L3MBTL1: variants seen among roughly 807,000 people sequenced by gnomAD.
L3MBTL1 encodes the protein lethal(3)malignant brain tumor-like protein 1.
A neutral mutation model predicts 105.3 loss-of-function variants in L3MBTL1; 75 were observed. The observed-to-expected ratio is 0.71, with a 90% CI of 0.59 to 0.86. L3MBTL1 has a LOEUF of 0.86. Among genes scored for constraint, L3MBTL1 ranks in the 40% least tolerant of loss-of-function variants. The pLI, the probability that L3MBTL1 is intolerant of heterozygous loss-of-function variation, is 0.00. For missense variants in L3MBTL1, 1,069 were observed against 1,126.4 expected (o/e 0.95, Z 0.73); for synonymous variants, 452 against 436.2 (o/e 1.04, Z -0.45).
Position 43,515,327 on chromosome 20 carries a change from G to C in L3MBTL1, c.689G>C (p.Ser230Thr), listed in dbSNP as rs1466220664. The C allele has an allele frequency of 1.9e-6, 3 of 1,589,420 alleles. No individual in the cohort carries two copies. The highest frequency in any genetic ancestry group is 1.7e-4 in the Middle Eastern group (1 of 6,016). Residue 230 changes from serine to threonine, a missense_variant, in exon 6 of 22, where the codon AGC (serine) becomes ACC (threonine). Transcript: ENST00000418998. The stretch of plus-strand genomic sequence containing the variant: ...GTGGAGAACTCCTCAGGCTCTACCA[G>C]CGCTTCTGAGCTCCTCAAACCCATG... ...VIVENSSGST[S>T]ASELLKPMKK...
chr20:43,529,934 G>A (rs765568610), intron 9 of L3MBTL1, among the ~76,000 whole-genome samples: 4 of 152,212 alleles, frequency 2.6e-5, no homozygotes, highest in Admixed American at 2.0e-4. Context: ...AGCAGAGTGC[G>A]AGTGGGGAGC....
intron 10 of L3MBTL1, 38 bp from the exon 11 acceptor site, chr20:43,530,760 C>A: frequency 6.3e-7 from 1 of 1,595,944 alleles, no homozygotes; most frequent in Admixed American, 1.7e-5. Context: ...GGCCCAGCCT[C>A]TGCACGGCGC....
Position 43,548,250 on chromosome 20 carries a change from C to A in L3MBTL1, c.*5C>A, listed in dbSNP as rs1057141481. On this transcript the variant is annotated 3_prime_UTR_variant, in exon 19 of 19. Coordinates refer to the L3MBTL1 transcript ENST00000422861. ...GCTGATGACACCTTAAAGTGACTGG[C>A]CCAGGGCTGGGCCCTCCTGCAGCCC... 6.1e-6 allele frequency: 8 copies of A among 1,303,052 alleles called. No homozygotes were observed. In the African/African-American group the frequency reaches 1.2e-4, roughly 20 times the overall value. 80.7% of individuals were successfully genotyped at this position (1,303,052 alleles called of 1,614,324 possible).
chr20:43,538,532 G>T (rs1179318041), intron 19 of L3MBTL1, among the ~76,000 whole-genome samples: 1 of 152,194 alleles, frequency 6.6e-6, no homozygotes, highest in East Asian at 1.9e-4. Context: ...ACATACTGGT[G>T]GGTAGACCTC....
At chr20:43,516,228 T>G in intron 7 of L3MBTL1, 51 bp downstream of exon 7, 1 of 1,369,396 alleles carries the variant, frequency 7.3e-7, no homozygotes, top group Non-Finnish European at 1.0e-6. Flanking sequence ...TATATACCTT[T>G]GGAGGTGTGA....
Position 43,532,852 on chromosome 20 carries a change from C to G in L3MBTL1, c.1364C>G (p.Ala455Gly). The change falls in exon 12 of 22, where the codon GCC becomes GGC. Residue 455 changes from alanine to glycine, a missense_variant. By Grantham distance (60) the Ala-to-Gly change is moderately conservative (BLOSUM62 0). Coordinates refer to ENST00000418998, the MANE Select transcript of L3MBTL1 (RefSeq NM_001377303.1). ...ATGAACCCGTCCCTTGTCTGCGTGG[C>G]CAGTGTGACCGATGTGGTGGACAGC... ...DRMNPSLVCVASVTDVVDSRF... is the reference protein window; with the variant it reads ...DRMNPSLVCVGSVTDVVDSRF... The G allele has an allele frequency of 6.2e-7, 1 of 1,614,182 alleles. No homozygotes were observed. Among genetic ancestry groups the G allele is most frequent in the Non-Finnish European group, 8.5e-7 (1 of 1,180,036 alleles).
In L3MBTL1 at chr20:43,533,913, C is replaced by A. The variant is rs2019468854; in HGVS notation, c.1514-95C>A. ...GGTGGGAGAGATTCTACTCCAAGGG[C>A]TTCTGTCCCTTCCATGTTCCTGGTC... On this transcript the variant is annotated intron_variant, in intron 13 of 21. Transcript: ENST00000418998. The A allele has an allele frequency of 4.6e-6, 4 of 860,552 alleles. No homozygotes were observed. The Admixed American group carries it at 7.2e-5, about 15-fold the overall frequency. The allele number at this position is 860,552 out of a possible 1,614,324, so 53.3% of individuals were successfully genotyped here. A position where few individuals can be genotyped will look rare whatever the true frequency, so the allele number is the denominator to read the frequency against.
chr20:43,533,349 C>G lies in L3MBTL1; in HGVS notation c.1444C>G (p.Pro482Ala). 1 of 1,613,750 alleles carries G rather than the reference C, an allele frequency of 6.2e-7. No homozygotes were observed. The highest frequency in any genetic ancestry group is 8.5e-7 in the Non-Finnish European group (1 of 1,179,854). Residue 482 changes from proline to alanine, a missense_variant, in exon 13 of 22, where the codon CCC becomes GCC. Pro to Ala is a conservative substitution (Grantham distance 27, BLOSUM62 -1). Transcript: ENST00000418998. ...CATGTTCTTGGATTTCAGGTGTGAT[C>G]CCAGCAGCCCCTACATCCACCCAGT... ...WDDTYDYWCD[P>A]SSPYIHPVGW... is the part of the protein sequence containing the mutation.
intron 11 of L3MBTL1, chr20:43,532,243 G>A (rs2071970): frequency 0.37 from 56,341 of 152,232 alleles, 11,030 homozygotes; most frequent in African/African-American, 0.5. Flanking sequence ...TGGCCCCGCC[G>A]TTGACTAGCA....
chr20:43,519,412 A>G (rs1370672694), intron 7 of L3MBTL1, among the ~76,000 whole-genome samples: 1 of 151,726 alleles, frequency 6.6e-6, no homozygotes, highest in African/African-American at 2.4e-5. Context: ...CGAAGCGGGC[A>G]GATCACCTGA....
At chr20:43,535,803 C>A in intron 16 of L3MBTL1, 34 bp from the exon 17 acceptor site, 1 of 1,422,188 alleles carries the variant, frequency 7.0e-7, no homozygotes, top group Non-Finnish European at 9.6e-7. Context: ...ACCCCCAGGA[C>A]TCCATGAGGA....
chr20:43,529,491 G>A, intron 9 of L3MBTL1, 123 bp downstream of exon 9: 1 of 711,440 alleles, frequency 1.4e-6, no homozygotes, highest in Middle Eastern at 2.6e-4. Context: ...AGTAGTGGAT[G>A]AAGCTGGAAT....
intron 21 of L3MBTL1, 34 bp downstream of exon 21, chr20:43,540,849 G>C: frequency 6.2e-7 from 1 of 1,612,080 alleles, no homozygotes; most frequent in Non-Finnish European, 8.5e-7. Context: ...AGACAGAGCC[G>C]GGGTCACTGT....
chr20:43,541,424 T>C lies in L3MBTL1; in HGVS notation c.*296T>C. On this transcript the variant is annotated 3_prime_UTR_variant, in exon 22 of 22. Coordinates refer to ENST00000418998, the MANE Select transcript of L3MBTL1 (RefSeq NM_001377303.1). ...GCAGAGCCATTGTGAGCATTGGAAA[T>C]GATGAATGAATCATACCAGAACGTC... 1 of 370,084 alleles carries C rather than the reference T, an allele frequency of 2.7e-6. No individual in the cohort carries two copies. The highest frequency in any genetic ancestry group is 5.0e-6 in the Non-Finnish European group (1 of 201,868). The allele number at this position is 370,084 out of a possible 1,614,324, so 22.9% of individuals were successfully genotyped here.
chr20:43,523,975 A>G (rs1324472711), intron 7 of L3MBTL1, among the ~76,000 whole-genome samples: 1 of 148,080 alleles, frequency 6.8e-6, no homozygotes, highest in Admixed American at 6.8e-5. Context: ...AACCTGGGTG[A>G]CAGTGAGACT....
At position 43,514,032 on chromosome 20, in the gene L3MBTL1, G is replaced by A. The variant is rs1179671414; in HGVS notation, c.331G>A (p.Ala111Thr). The change falls in exon 3 of 22, where the codon GCG (alanine) becomes ACG (threonine). Residue 111 changes from alanine to threonine, a missense_variant. Transcript: ENST00000418998. ...TVRLLEWTEA[A>T]APPPGGGLRF... is the part of the protein sequence containing the mutation. ...GCGGCTTCTGGAATGGACAGAGGCC[G>A]CGGCCCCGCCCCCAGGGGGCGGCCT... 13 of 1,536,468 alleles carry A rather than the reference G, an allele frequency of 8.5e-6. 1 individual carries two copies. The South Asian group carries it at 1.4e-4, about 17-fold the overall frequency.
At chr20:43,532,998 A>G (rs1327732679) in intron 12 of L3MBTL1, 74 bp downstream of exon 12, 11 of 1,426,604 alleles carry the variant, frequency 7.7e-6, no homozygotes, top group Non-Finnish European at 9.8e-7. Flanking sequence ...TATCTCAGGT[A>G]CCATGTGGCA....
chr20:43,528,541 T>G (rs1471599469), intron 7 of L3MBTL1, 116 bp from the exon 8 acceptor site: 16 of 750,532 alleles, frequency 2.1e-5, no homozygotes, highest in Non-Finnish European at 3.5e-5. Context: ...AGGGTACATG[T>G]GAACACAGAC....
At chr20:43,523,611 A>G (rs2018853292) in intron 7 of L3MBTL1, 2 of 217,716 alleles carry the variant, frequency 9.2e-6, no homozygotes, top group Non-Finnish European at 1.9e-5. Context: ...ACAGTAGACT[A>G]TAGCAGGCCT....
Sources: allele counts gnomAD v4.1 joint callset (sites outside exome capture counted in the v4.1 genomes callset), GRCh38; gene constraint gnomAD v4.1.1; transcripts MANE v1.5; gene names NCBI Gene and HGNC (gene_info 2026-07-23, HGNC 2026-07-21).